MPPED2: variants seen among roughly 807,000 people sequenced by gnomAD.
MPPED2 encodes metallophosphoesterase domain containing 2, also known as metallophosphoesterase MPPED2.
A neutral mutation model predicts 33.0 loss-of-function variants in MPPED2; 5 were observed. The ratio of observed to expected loss-of-function variants is 0.15; its 90% CI spans 0.08 to 0.32. The LOEUF (loss-of-function observed/expected upper bound fraction) is 0.32. MPPED2 is among the 10% of genes least tolerant of loss of function. MPPED2 has a pLI of 1.00. For missense variants in MPPED2, 275 were observed against 372.1 expected, an observed-to-expected ratio of 0.74 and a Z score of 2.15; for synonymous variants, 136 against 141.9, an observed-to-expected ratio of 0.96 and a Z score of 0.29.
chr11:30,503,189 C>T (rs1952648829), intron 3 of MPPED2, among the ~76,000 whole-genome samples: 1 of 152,104 alleles, frequency 6.6e-6, no homozygotes, highest in African/African-American at 2.4e-5. Context: ...GGCTTTACCT[C>T]CTTTTGCTCA....
At chr11:30,468,184 C>T (rs942578144) in intron 4 of MPPED2, among the ~76,000 whole-genome samples, 1 of 151,922 alleles carries the variant, frequency 6.6e-6, no homozygotes, top group Non-Finnish European at 1.5e-5. Context: ...AATTTATCCT[C>T]ATCCTAAACA....
chr11:30,582,519 T>C (rs1957215263), intron 1 of MPPED2, among the ~76,000 whole-genome samples: 1 of 152,216 alleles, frequency 6.6e-6, no homozygotes, highest in African/African-American at 2.4e-5. Flanking sequence ...TAACAATCTC[T>C]GCACCCAGTA....
At chr11:30,454,815 A>T (rs1278428080) in intron 4 of MPPED2, among the ~76,000 whole-genome samples, 3 of 152,106 alleles carry the variant, frequency 2.0e-5, no homozygotes, top group Admixed American at 6.5e-5. Context: ...CAAAGCACTT[A>T]AAAAAAATCA....
intron 6 of MPPED2, among the ~76,000 whole-genome samples, chr11:30,391,729 GTGT>G (rs1200939724): frequency 2.6e-5 from 4 of 152,170 alleles, no homozygotes; most frequent in African/African-American, 7.2e-5. Flanking sequence ...AAACTGAAAA[GTGT>G]TGTTTGAAAT....
intron 2 of MPPED2, among the ~76,000 whole-genome samples, chr11:30,564,310 C>T (rs1003897055): frequency 1.3e-5 from 2 of 152,130 alleles, no homozygotes; most frequent in African/African-American, 4.8e-5. Flanking sequence ...CCTAGTCATG[C>T]CCAGCTGCAC....
chr11:30,538,060 A>C (rs1003838044), intron 2 of MPPED2, among the ~76,000 whole-genome samples: 2 of 152,170 alleles, frequency 1.3e-5, no homozygotes, highest in African/African-American at 4.8e-5. Context: ...GTGATAAGCA[A>C]TATCCCTATA....
At chr11:30,454,001 A>G (rs749575635) in intron 4 of MPPED2, among the ~76,000 whole-genome samples, 28 of 152,292 alleles carry the variant, frequency 1.8e-4, no homozygotes, top group Middle Eastern at 3.4e-3. Flanking sequence ...CAAAGAAGTC[A>G]TCTCTGATCT....
At chr11:30,545,668 C>T (rs1411695599) in intron 2 of MPPED2, among the ~76,000 whole-genome samples, 2 of 152,068 alleles carry the variant, frequency 1.3e-5, no homozygotes, top group African/African-American at 4.8e-5. Context: ...CCATTTGGCA[C>T]ACAAAGACAC....
intron 4 of MPPED2, among the ~76,000 whole-genome samples, chr11:30,434,618 C>T (rs561205691): frequency 6.6e-6 from 1 of 152,256 alleles, no homozygotes; most frequent in African/African-American, 2.4e-5. Flanking sequence ...AAAGCTCTTC[C>T]TAGTTGCCAG....
At chr11:30,447,760 T>C (rs1949874762) in intron 4 of MPPED2, among the ~76,000 whole-genome samples, 1 of 151,960 alleles carries the variant, frequency 6.6e-6, no homozygotes, top group Non-Finnish European at 1.5e-5. Context: ...GCTAGAGGGG[T>C]CTGCTTCAGA....
At chr11:30,504,642 C>T (rs931923020) in intron 3 of MPPED2, 2 of 533,964 alleles carry the variant, frequency 3.7e-6, no homozygotes. Flanking sequence ...CAGAAACATT[C>T]AGTCAGGGCA....
At chr11:30,397,384 A>G (rs1947851683) in intron 6 of MPPED2, among the ~76,000 whole-genome samples, 1 of 152,170 alleles carries the variant, frequency 6.6e-6, no homozygotes, top group South Asian at 2.1e-4. Flanking sequence ...TAGTTCTTAC[A>G]TATTCAATAA....
intron 2 of MPPED2, among the ~76,000 whole-genome samples, chr11:30,561,192 A>G (rs541318402): frequency 1.3e-5 from 2 of 152,310 alleles, no homozygotes; most frequent in East Asian, 3.9e-4. Flanking sequence ...TATAATTTCT[A>G]CAGTGAAATA....
chr11:30,424,569 T>A (rs532349012), intron 4 of MPPED2, among the ~76,000 whole-genome samples: 28 of 152,130 alleles, frequency 1.8e-4, no homozygotes, highest in Non-Finnish European at 2.9e-4. Flanking sequence ...AGCCCTCCCT[T>A]GACTGCAAAG....
chr11:30,510,296 G>A (rs1953083209), intron 3 of MPPED2, among the ~76,000 whole-genome samples: 1 of 152,062 alleles, frequency 6.6e-6, no homozygotes, highest in South Asian at 2.1e-4. Flanking sequence ...ATCTTTCTGT[G>A]TCTAGCTACT....
intron 3 of MPPED2, among the ~76,000 whole-genome samples, chr11:30,535,657 T>C (rs907750297): frequency 2.6e-5 from 4 of 152,162 alleles, no homozygotes; most frequent in Admixed American, 1.3e-4. Context: ...GAAAAAAAGA[T>C]TGCAGAGCCA....
downstream of MPPED2, among the ~76,000 whole-genome samples, chr11:30,407,228 G>C (rs1948004940): frequency 6.6e-6 from 1 of 152,190 alleles, no homozygotes; most frequent in Non-Finnish European, 1.5e-5. Flanking sequence ...AAAGGGGATT[G>C]TGTGAAAAAC....
intron 1 of MPPED2, among the ~76,000 whole-genome samples, chr11:30,583,597 C>G (rs1957298906): frequency 6.6e-6 from 1 of 152,112 alleles, no homozygotes; most frequent in Non-Finnish European, 1.5e-5. Context: ...GTCCTTTAAG[C>G]TGTACAACTA....
chr11:30,531,300 C>T (rs1384718334), intron 3 of MPPED2, among the ~76,000 whole-genome samples: 7 of 152,182 alleles, frequency 4.6e-5, no homozygotes, highest in Non-Finnish European at 1.0e-4. Context: ...GACAGCACTA[C>T]GGGCAGCAGC....
Sources: gnomAD v4.1 joint callset for allele counts (sites outside exome capture counted in the v4.1 genomes callset) on GRCh38, gnomAD v4.1.1 for gene constraint, MANE v1.5 for transcripts, NCBI Gene and HGNC (gene_info 2026-07-23, HGNC 2026-07-21) for gene names.